ZNF518A: variants seen among roughly 807,000 people sequenced by gnomAD.
The protein encoded by ZNF518A is zinc finger protein 518.
Under a neutral mutation model 102.7 loss-of-function variants are expected in ZNF518A, and 47 were observed. The ratio of observed to expected loss-of-function variants is 0.46; its 90% CI spans 0.36 to 0.58. The LOEUF is 0.58. Among genes scored for constraint, ZNF518A ranks in the 20% least tolerant of loss-of-function variants. The pLI, the probability that ZNF518A is intolerant of heterozygous loss-of-function variation, is 0.00. For missense variants in ZNF518A, 1,793 were observed against 1,699.8 expected (o/e 1.05, Z -0.96); for synonymous variants, 652 against 594.6 (o/e 1.10, Z -1.40).
chr10:96,198,268 G>GA (rs1278292671), intron 1 of ZNF518A, among the ~76,000 whole-genome samples: 2 of 152,082 alleles, frequency 1.3e-5, no homozygotes, highest in Admixed American at 6.5e-5. Flanking sequence ...AGTGATGGGA[G>GA]AAAAAATGAC....
downstream of ZNF518A, among the ~76,000 whole-genome samples, chr10:96,168,038 A>G (rs868983761): frequency 2.8e-4 from 43 of 152,342 alleles, no homozygotes; most frequent in Middle Eastern, 0.031. Context: ...CTACATCTTT[A>G]TAATAATTAT....
chr10:96,177,036 C>T (rs2083209084), intron 1 of ZNF518A, among the ~76,000 whole-genome samples: 2 of 149,300 alleles, frequency 1.3e-5, no homozygotes, highest in Admixed American at 1.3e-4. Context: ...ATGATCATGC[C>T]ACACTGCACT....
chr10:96,149,483 T>C (rs1424354243), intron 3 of ZNF518A, among the ~76,000 whole-genome samples: 2 of 152,176 alleles, frequency 1.3e-5, no homozygotes, highest in African/African-American at 2.4e-5. Flanking sequence ...CAGTAACCAA[T>C]AGCATGATAG....
downstream of ZNF518A, among the ~76,000 whole-genome samples, chr10:96,164,927 G>T (rs1278577625): frequency 6.6e-6 from 1 of 152,148 alleles, no homozygotes; most frequent in Non-Finnish European, 1.5e-5. Context: ...TGTTGCCTGC[G>T]ATCATCAATT....
At chr10:96,132,214 T>C (rs1402767658) in intron 1 of ZNF518A, among the ~76,000 whole-genome samples, 1 of 151,704 alleles carries the variant, frequency 6.6e-6, no homozygotes, top group Non-Finnish European at 1.5e-5. Flanking sequence ...CTTCTCATGG[T>C]GAGCAGTTTT....
intron 1 of ZNF518A, among the ~76,000 whole-genome samples, chr10:96,198,276 G>A (rs1442189030): frequency 1.3e-5 from 2 of 152,072 alleles, no homozygotes; most frequent in Middle Eastern, 3.2e-3. Context: ...GAGAAAAAAT[G>A]ACAAAAAAGA....
chr10:96,166,170 C>T (rs140784297), downstream of ZNF518A, among the ~76,000 whole-genome samples: 192 of 152,270 alleles, frequency 1.3e-3, no homozygotes, highest in African/African-American at 4.4e-3. Context: ...TCTTTTCCTT[C>T]TGTCCAGGCT....
chr10:96,167,649 G>A (rs2083150086), downstream of ZNF518A, among the ~76,000 whole-genome samples: 1 of 152,008 alleles, frequency 6.6e-6, no homozygotes, highest in African/African-American at 2.4e-5. Flanking sequence ...ATTTGAGATG[G>A]CAGAAGAAAG....
chr10:96,179,396 A>G (rs1554891774), intron 1 of ZNF518A, among the ~76,000 whole-genome samples: 5 of 152,290 alleles, frequency 3.3e-5, no homozygotes. Flanking sequence ...TTAATCATCA[A>G]AAAATTGCTA....
chr10:96,199,411 G>T, intron 1 of ZNF518A: 1 of 379,956 alleles, frequency 2.6e-6, no homozygotes, highest in South Asian at 1.9e-5. Context: ...CCTGCACATT[G>T]ATCCAAAATA....
At chr10:96,148,958 G>A (rs587614960) in intron 3 of ZNF518A, among the ~76,000 whole-genome samples, 1 of 151,980 alleles carries the variant, frequency 6.6e-6, no homozygotes, top group African/African-American at 2.4e-5. Flanking sequence ...CTGGTGATCT[G>A]CCCGCCTCGG....
Position 96,158,323 on chromosome 10 carries a change from T to C in ZNF518A, c.2001T>C (p.Ser667=), listed in dbSNP as rs781857625. 3.7e-6 allele frequency: 6 copies of C among 1,613,638 alleles called. No individual in the cohort carries two copies. In the African/African-American group the frequency reaches 8.0e-5, roughly 22 times the overall value. Residue 667 remains serine, a synonymous_variant, in exon 6 of 6, where the codon TCT becomes TCC. Coordinates refer to ENST00000316045, the MANE Select transcript of ZNF518A (RefSeq NM_001330736.2). ...TGTATGAAAACCCTCAAAGAGAATC[T>C]TCATCCAGCAAAACAGTTGTCCAAC... The part of the protein sequence containing the change: ...TAVYENPQRE[S]SSSKTVVQQP...
intron 1 of ZNF518A, among the ~76,000 whole-genome samples, chr10:96,177,673 A>G (rs1305073640): frequency 3.3e-5 from 5 of 152,128 alleles, no homozygotes; most frequent in Non-Finnish European, 5.9e-5. Context: ...TGTAATTACT[A>G]AGAGAATATT....
rs587731411 is a variant in ZNF518A at position 96,141,339 on chromosome 10, A to C, written c.-302+7691A>C. Among the ~76,000 whole-genome samples, 3 of 152,342 alleles carry C rather than the reference A, an allele frequency of 2.0e-5. No homozygotes were observed. In the East Asian group the frequency reaches 5.8e-4, roughly 29 times the overall value. On this transcript the variant is annotated intron_variant, in intron 3 of 5. Transcript: ENST00000316045. ...GGAGAGATTTAGTGTGTATTGTAAA[A>C]GGTTACATGTCCCTATAAGAAGCAG...
rs782508473 is a variant in ZNF518A at position 96,160,304 on chromosome 10, C to T, written c.3982C>T (p.Arg1328Trp). The T allele has an allele frequency of 2.1e-5, 34 of 1,613,486 alleles. 1 individual carries two copies. The highest frequency in any genetic ancestry group is 1.6e-4 in the Middle Eastern group (1 of 6,084). Residue 1328 changes from arginine (R) to tryptophan (W), a missense_variant, in exon 6 of 6, where the codon CGG (arginine) becomes TGG (tryptophan). Transcript: ENST00000316045. The stretch of plus-strand genomic sequence containing the variant: ...TTCAAAAGATTCCATCAGAACTTTG[C>T]GGCTTTTCCCTTTTAGTTCTAAACA... Reference protein sequence around the residue: ...RLSKDSIRTLRLFPFSSKQLV... With the variant: ...RLSKDSIRTLWLFPFSSKQLV...
chr10:96,204,619 G>C, downstream of ZNF518A: 1 of 1,613,816 alleles, frequency 6.2e-7, no homozygotes, highest in Non-Finnish European at 8.5e-7. Context: ...AGGTTTTTCT[G>C]GATCAGGAAA....
chr10:96,205,237 C>G (rs1554897158), downstream of ZNF518A: 1 of 155,836 alleles, frequency 6.4e-6, no homozygotes, highest in East Asian at 1.9e-4. Context: ...ATGTTGAAGC[C>G]CATAGTGAAC....
rs781956731 is a variant in ZNF518A, at chr10:96,160,391, G to A, written c.4069G>A (p.Ala1357Thr). The A allele has an allele frequency of 1.9e-5, 31 of 1,613,232 alleles. No homozygotes were observed. The highest frequency in any genetic ancestry group is 6.7e-5 in the African/African-American group (5 of 74,882). Residue 1357 changes from alanine (A) to threonine (T), a missense_variant, in exon 6 of 6, where the codon GCA becomes ACA. Physicochemically the swap from Ala to Thr is moderately conservative, Grantham distance 58. This residue lies in a region of ZNF518A where 1,741 missense variants were observed against 1,622.6 expected (regional missense o/e 1.07). Transcript: ENST00000316045. Reference protein sequence around the residue: ...VVVLNHPDADAPEVVSVMKTI... With the variant: ...VVVLNHPDADTPEVVSVMKTI... ...AGTTTTGAATCATCCTGACGCAGAT[G>A]CACCAGAAGTAGTAAGTGTAATGAA...
chr10:96,179,883 C>CCTTT (rs1564803051), intron 1 of ZNF518A, among the ~76,000 whole-genome samples: 1 of 106,100 alleles, frequency 9.4e-6, no homozygotes, highest in African/African-American at 3.6e-5. Flanking sequence ...TTCTTTCTTT[C>CCTTT]ATTTTTTTTT....
Sources: allele counts gnomAD v4.1 joint callset (sites outside exome capture counted in the v4.1 genomes callset), GRCh38; gene constraint gnomAD v4.1.1; regional missense constraint gnomAD v4.1.1; transcripts MANE v1.5; gene names NCBI Gene and HGNC (gene_info 2026-07-23, HGNC 2026-07-21).